The following PRKCZ variants were observed in gnomAD, a reference collection of about 807,000 sequenced individuals.
The protein encoded by PRKCZ is protein kinase C zeta type.
In PRKCZ, 33 loss-of-function variants were observed where a neutral mutation model predicts 79.5. The observed-to-expected ratio is 0.41, with a 90% CI of 0.31 to 0.55. The LOEUF (loss-of-function observed/expected upper bound fraction) is 0.55, where lower values mean the gene tolerates loss of function less well. Ranked by LOEUF, PRKCZ falls within the 20% of genes least tolerant of loss-of-function variation. The pLI, the probability that PRKCZ is intolerant of heterozygous loss-of-function variation, is 0.19. For synonymous variants in PRKCZ, 342 were observed against 320.9 expected (o/e 1.07, Z -0.70); for missense variants, 578 against 813.5 (o/e 0.71, Z 3.52).
chr1:2,135,542 C>T lies in PRKCZ; in HGVS notation c.420+195C>T, dbSNP rs139079224. On this transcript the variant is annotated intron_variant, in intron 5 of 17. Coordinates refer to ENST00000378567, the MANE Select transcript of PRKCZ (RefSeq NM_002744.6). Reference sequence around the variant, plus strand: ...GCTGTCTGAGGCGGGAAGTGCCCTCCGGGCCTTTCCCTGCGTGGTGGCTGC... The same window carrying T: ...GCTGTCTGAGGCGGGAAGTGCCCTCTGGGCCTTTCCCTGCGTGGTGGCTGC... Among the ~76,000 whole-genome samples the T allele has an allele frequency of 3.0e-3, 459 of 152,294 alleles. 1 individual carries two copies. The highest frequency in any genetic ancestry group is 0.01 in the African/African-American group (434 of 41,574).
chr1:2,132,033 G>C (rs61776567), intron 4 of PRKCZ, among the ~76,000 whole-genome samples: 28,024 of 152,130 alleles, frequency 0.18, 2,839 homozygotes, highest in Middle Eastern at 0.28. Context: ...GGATGGTCTC[G>C]ATCTCCTGAC....
At chr1:2,152,947 G>A (rs915420036) in intron 9 of PRKCZ, among the ~76,000 whole-genome samples, 2 of 152,264 alleles carry the variant, frequency 1.3e-5, no homozygotes, top group African/African-American at 2.4e-5. Context: ...CACTGTGAAG[G>A]TTCGCGTACA....
At chr1:2,081,852 C>A (rs1440722633) in intron 4 of PRKCZ, among the ~76,000 whole-genome samples, 1 of 152,084 alleles carries the variant, frequency 6.6e-6, no homozygotes, top group African/African-American at 2.4e-5. Flanking sequence ...TTCCTGCTGC[C>A]CTCTGTGCTG....
At position 2,165,878 on chromosome 1, in the gene PRKCZ, G is replaced by T. The variant is rs568830268; in HGVS notation, c.975-3640G>T. 2.8e-4 allele frequency among the ~76,000 whole-genome samples: 42 copies of T among 152,142 alleles called. No individual in the cohort carries two copies. Among genetic ancestry groups the T allele is most frequent in the African/African-American group, 9.9e-4 (41 of 41,538 alleles). ...CACCAAGGACAGGGCCCACCTCCTA[G>T]GAGGTTTTGTGAGCTTCCCTCAGCC... On this transcript the variant is annotated intron_variant, in intron 10 of 17. Transcript: ENST00000378567. The surrounding 1 kb of genome is among the most constrained non-coding windows in gnomAD (Gnocchi z 4.1).
In PRKCZ at chr1:2,085,737, G is replaced by A. The variant is rs1376719441; in HGVS notation, c.334+26146G>A. 4.0e-4 allele frequency among the ~76,000 whole-genome samples: 57 copies of A among 142,524 alleles called. 1 individual carries two copies. The highest frequency in any genetic ancestry group is 1.1e-3 in the African/African-American group (42 of 38,832). 93.5% of individuals were successfully genotyped at this position (142,524 alleles called of 152,430 possible). On this transcript the variant is annotated intron_variant, in intron 4 of 17. Transcript: ENST00000378567. The stretch of plus-strand genomic sequence containing the variant: ...CTGTTCTCAGAGCCCGTGAGGCACC[G>A]TGCTGGAGGGGCTGAGGACGTCGGG...
At chr1:2,109,177 G>A (rs762181718) in intron 4 of PRKCZ, among the ~76,000 whole-genome samples, 25 of 152,198 alleles carry the variant, frequency 1.6e-4, no homozygotes, top group African/African-American at 4.3e-4. Flanking sequence ...CTTGGGTCCC[G>A]GGACTTGCAT....
At chr1:2,073,753 C>G in intron 4 of PRKCZ, 1 of 1,008,146 alleles carries the variant, frequency 9.9e-7, no homozygotes, top group Non-Finnish European at 1.2e-6. Context: ...GGGGACAGGA[C>G]AGCCGGCCTT....
intron 4 of PRKCZ, among the ~76,000 whole-genome samples, chr1:2,066,329 G>A (rs1168990316): frequency 6.6e-6 from 1 of 152,086 alleles, no homozygotes; most frequent in Non-Finnish European, 1.5e-5. Flanking sequence ...CAGTCCCTGG[G>A]CTTTGCTTTG....
intron 4 of PRKCZ, among the ~76,000 whole-genome samples, chr1:2,112,604 C>G (rs1238983119): frequency 2.6e-5 from 4 of 152,128 alleles, no homozygotes; most frequent in Non-Finnish European, 4.4e-5. Context: ...GTAATCATCA[C>G]AGTACTCAAA....
intron 10 of PRKCZ, among the ~76,000 whole-genome samples, chr1:2,158,804 C>T (rs776356930): frequency 2.6e-5 from 4 of 152,210 alleles, no homozygotes; most frequent in Non-Finnish European, 5.9e-5. Context: ...ATGCGTAAAC[C>T]TGAACTTAAA....
At chr1:2,156,271 A>C in intron 10 of PRKCZ, 179 bp downstream of exon 10, 1 of 561,184 alleles carries the variant, frequency 1.8e-6, no homozygotes, top group South Asian at 2.0e-5. Context: ...TATTAAGTAC[A>C]TTTCATGATC....
chr1:2,064,162 G>A (rs1006803536), intron 4 of PRKCZ, among the ~76,000 whole-genome samples: 3 of 152,202 alleles, frequency 2.0e-5, no homozygotes, highest in African/African-American at 7.2e-5. Flanking sequence ...GGCCATTTCT[G>A]TGTCTTCTTT....
chr1:2,077,115 C>G (rs1662569914), intron 4 of PRKCZ, among the ~76,000 whole-genome samples: 1 of 152,216 alleles, frequency 6.6e-6, no homozygotes, highest in South Asian at 2.1e-4. Flanking sequence ...GCCGGTTGTT[C>G]TGGCGGTGCT....
chr1:2,081,695 C>G (rs1002957532), intron 4 of PRKCZ, among the ~76,000 whole-genome samples: 6 of 152,158 alleles, frequency 3.9e-5, no homozygotes, highest in Non-Finnish European at 5.9e-5. Context: ...TACTCTTCTC[C>G]CAGCTGAGTT....
rs1019729423 is a variant in PRKCZ at position 2,120,466 on chromosome 1, A to AT, written c.335-14788dup. ...AGGCACTTGCCACCATGACCGGCTA[A>AT]TTTTTTTTGCATTTATAGGAGAGAC... On this transcript the variant is annotated intron_variant, in intron 4 of 17. Coordinates refer to ENST00000378567, the MANE Select transcript of PRKCZ (RefSeq NM_002744.6). Among the ~76,000 whole-genome samples, 10 of 151,100 alleles carry AT rather than the reference A, an allele frequency of 6.6e-5. 1 individual carries two copies. The highest frequency in any genetic ancestry group is 1.3e-4 in the Admixed American group (2 of 15,164).
intron 16 of PRKCZ, chr1:2,182,864 A>G (rs2100562053): frequency 6.5e-6 from 1 of 153,350 alleles, no homozygotes; most frequent in East Asian, 1.9e-4. Flanking sequence ...TGGGTTAGAG[A>G]GTGAGTGAGC....
chr1:2,054,074 C>G (rs13303289), intron 1 of PRKCZ, among the ~76,000 whole-genome samples: 43,721 of 152,036 alleles, frequency 0.29, 9,741 homozygotes, highest in African/African-American at 0.62. Context: ...GGCTGTGGAC[C>G]GATCCTGTGT....
At chr1:2,141,137 T>C (rs1394283918) in intron 5 of PRKCZ, 3 of 152,158 alleles carry the variant, frequency 2.0e-5, no homozygotes, top group Admixed American at 6.5e-5. Flanking sequence ...TATTCAAATA[T>C]AGATTTGAAA....
intron 4 of PRKCZ, chr1:2,111,956 GCCGTGTGCCAGCCT>G (rs1213394363): frequency 6.6e-6 from 1 of 152,246 alleles, no homozygotes; most frequent in Non-Finnish European, 1.5e-5. Flanking sequence ...GAAGGGCAGT[GCCGTGTGCCAGCCT>G]CCCAGTTGGC....
Sources: gnomAD v4.1 joint callset for allele counts (sites outside exome capture counted in the v4.1 genomes callset) on GRCh38, gnomAD v4.1.1 for gene constraint, Gnocchi (gnomAD v3.1) non-coding constraint, MANE v1.5 for transcripts, NCBI Gene and HGNC (gene_info 2026-07-23, HGNC 2026-07-21) for gene names.